SMAD5: variants seen among roughly 807,000 people sequenced by gnomAD.
SMAD5 encodes the protein SMAD family member 5.
A neutral mutation model predicts 43.1 loss-of-function variants in SMAD5; 9 were observed. The observed-to-expected ratio is 0.21, with a 90% confidence interval of 0.13 to 0.36. SMAD5 has a LOEUF of 0.36. SMAD5 is among the 10% of genes least tolerant of loss of function. The pLI, the probability that SMAD5 is intolerant of heterozygous loss-of-function variation, is 1.00. For missense variants in SMAD5, 348 were observed against 574.0 expected (o/e 0.61, Z 4.02); for synonymous variants, 190 against 192.4 (o/e 0.99, Z 0.10).
chr5:136,137,270 A>ACCCCCCCCCCCCCCC (rs61537356), intron 1 of SMAD5, among the ~76,000 whole-genome samples: 1 of 125,212 alleles, frequency 8.0e-6, no homozygotes, highest in African/African-American at 3.1e-5. Context: ...ATTTTTTGGG[A>ACCCCCCCCCCCCCCC]CCCCCCCCCG....
At chr5:136,166,554 T>A (rs1214624738) in intron 5 of SMAD5, among the ~76,000 whole-genome samples, 2 of 152,196 alleles carry the variant, frequency 1.3e-5, no homozygotes, top group Non-Finnish European at 2.9e-5. Context: ...CCTGTTTCTC[T>A]ACTTATTTGC....
rs553396849 is a variant in SMAD5 at position 136,182,083 on chromosome 5, A to C, written c.*4603A>C. 3 of 152,292 alleles carry C rather than the reference A, an allele frequency of 2.0e-5. No individual in the cohort carries two copies. Among genetic ancestry groups the C allele is most frequent in the Admixed American group, 1.3e-4 (2 of 15,292 alleles). 9.4% of individuals were successfully genotyped at this position (152,292 alleles called of 1,614,324 possible). On this transcript the variant is annotated 3_prime_UTR_variant, in exon 8 of 8. Coordinates refer to ENST00000545279, the MANE Select transcript of SMAD5 (RefSeq NM_005903.7). Reference sequence around the variant, plus strand: ...AATGATCGTAAACCATTATCCTTTAAAGGTTTATTTGAAGATGCTGTTAAA... The same window carrying C: ...AATGATCGTAAACCATTATCCTTTACAGGTTTATTTGAAGATGCTGTTAAA...
intron 1 of SMAD5, among the ~76,000 whole-genome samples, chr5:136,139,660 AC>A: frequency 6.6e-6 from 1 of 151,576 alleles, no homozygotes; most frequent in East Asian, 2.0e-4. Context: ...ATTGCTGTCC[AC>A]CCCTCCTCCT....
At chr5:136,170,063 T>C (rs760296609) in intron 5 of SMAD5, among the ~76,000 whole-genome samples, 2 of 152,166 alleles carry the variant, frequency 1.3e-5, no homozygotes, top group Non-Finnish European at 2.9e-5. Context: ...CCTCATTCTC[T>C]AGACAATGTC....
chr5:136,133,309 T>A (rs907318054), intron 1 of SMAD5: 9 of 152,600 alleles, frequency 5.9e-5, no homozygotes, highest in Admixed American at 5.2e-4. Flanking sequence ...GGGAGCGGTT[T>A]GCTTTCCTAA....
At chr5:136,163,790 G>C (rs1271473970) in intron 5 of SMAD5, among the ~76,000 whole-genome samples, 1 of 152,080 alleles carries the variant, frequency 6.6e-6, no homozygotes, top group Admixed American at 6.5e-5. Flanking sequence ...TCAATAGTTT[G>C]TTCCTTTTTA....
chr5:136,136,533 A>G (rs113699003), intron 1 of SMAD5, among the ~76,000 whole-genome samples: 45 of 152,334 alleles, frequency 3.0e-4, no homozygotes, highest in African/African-American at 1.0e-3. Flanking sequence ...TGTTTACTAA[A>G]TGGGAGGTAA....
intron 5 of SMAD5, among the ~76,000 whole-genome samples, chr5:136,164,076 C>T (rs538606320): frequency 6.6e-6 from 1 of 152,170 alleles, no homozygotes; most frequent in African/African-American, 2.4e-5. Flanking sequence ...GCCTGTAATC[C>T]CAGCTACTCT....
At chr5:136,162,325 G>A (rs1158212792) in intron 4 of SMAD5, among the ~76,000 whole-genome samples, 1 of 152,148 alleles carries the variant, frequency 6.6e-6, no homozygotes, top group Admixed American at 6.5e-5. Flanking sequence ...GGCTGGGAAT[G>A]GATTTTTTTT....
At position 136,160,803 on chromosome 5, in the gene SMAD5, G is replaced by A; in HGVS notation, c.404-53G>A. 2.5e-6 allele frequency: 4 copies of A among 1,582,786 alleles called. No individual in the cohort carries two copies. In the South Asian group the frequency reaches 3.4e-5, roughly 13 times the overall value. Reference sequence around the variant, plus strand: ...TTTCTACCAACCCCTTAGTGTGGATGGGGCATTTGTTTAGTCATTCCTGAC... The same window carrying A: ...TTTCTACCAACCCCTTAGTGTGGATAGGGCATTTGTTTAGTCATTCCTGAC... On this transcript the variant is annotated intron_variant, in intron 3 of 7. Transcript: ENST00000545279.
rs142609186 is a variant in SMAD5, at chr5:136,165,503, C to A, written c.775+2112C>A. Among the ~76,000 whole-genome samples the A allele has an allele frequency of 4.1e-4, 63 of 152,046 alleles. 1 individual carries two copies. In the South Asian group the frequency reaches 9.7e-3, roughly 24 times the overall value. On this transcript the variant is annotated intron_variant, in intron 5 of 7. Transcript: ENST00000545279. ...ATGTTGTGTGACCATCACCACCATC[C>A]ATTTCTATAGCTCTTTTCACCTTGT...
intron 2 of SMAD5, among the ~76,000 whole-genome samples, chr5:136,149,995 A>G (rs1018032376): frequency 6.6e-6 from 1 of 151,792 alleles, no homozygotes; most frequent in African/African-American, 2.4e-5. Context: ...CATTCTCTTT[A>G]AACTCTCCCA....
chr5:136,136,807 T>C (rs1752895140), intron 1 of SMAD5, among the ~76,000 whole-genome samples: 1 of 152,118 alleles, frequency 6.6e-6, no homozygotes, highest in Admixed American at 6.5e-5. Context: ...GCGATTCTCC[T>C]GCCTCAGCCT....
At position 136,163,396 on chromosome 5, in the gene SMAD5, G is replaced by A; in HGVS notation, c.775+5G>A. 6.3e-7 allele frequency: 1 copy of A among 1,591,760 alleles called. No homozygotes were observed. Among genetic ancestry groups the A allele is most frequent in the Non-Finnish European group, 8.5e-7 (1 of 1,170,650 alleles). ...TGCCCAGTATATCCAGCAGGGGTAA[G>A]AGAAGTACTCACTTCATTTATTTTA... On this transcript the variant is annotated splice_donor_5th_base_variant and intron_variant, in intron 5 of 7. Transcript: ENST00000545279.
chr5:136,168,799 G>T lies in SMAD5; in HGVS notation c.776-3635G>T, dbSNP rs1443615502. 4.6e-5 allele frequency among the ~76,000 whole-genome samples: 7 copies of T among 152,284 alleles called. No individual in the cohort carries two copies. In the East Asian group the frequency reaches 1.3e-3, roughly 29 times the overall value. On this transcript the variant is annotated intron_variant, in intron 5 of 7. Transcript: ENST00000545279. ...GTTTTGCCTTTTGCAAAATGTCATA[G>T]TTAGAATCATACAGTATGTAGCTTT...
chr5:136,154,953 T>C (rs1296197874), intron 3 of SMAD5, among the ~76,000 whole-genome samples: 1 of 152,104 alleles, frequency 6.6e-6, no homozygotes, highest in East Asian at 1.9e-4. Context: ...TTCTTGCCCC[T>C]CTTTGCTGGC....
chr5:136,176,315 C>T (rs1377079628), intron 7 of SMAD5, among the ~76,000 whole-genome samples: 2 of 151,422 alleles, frequency 1.3e-5, no homozygotes, highest in Non-Finnish European at 2.9e-5. Flanking sequence ...ATTAGCCGGG[C>T]ATGGTGGTGG....
rs749213670 is a variant in SMAD5, at chr5:136,154,078, G to T, written c.318G>T (p.Pro106=). The part of the protein sequence containing the change: ...PDLQSHHELK[P]LDICEFPFGS... The stretch of plus-strand genomic sequence containing the variant: ...TGCAGAGTCATCATGAGCTAAAGCC[G>T]TTGGATATTTGTGAATTTCCTTTTG... Residue 106 remains proline (P), a synonymous_variant, in exon 3 of 8, where the codon CCG becomes CCT. Transcript: ENST00000545279. 6.3e-7 allele frequency: 1 copy of T among 1,599,220 alleles called. No homozygotes were observed. Among genetic ancestry groups the T allele is most frequent in the Admixed American group, 1.7e-5 (1 of 57,238 alleles).
chr5:136,160,384 C>T (rs1219166758), intron 3 of SMAD5, among the ~76,000 whole-genome samples: 1 of 152,044 alleles, frequency 6.6e-6, no homozygotes, highest in African/African-American at 2.4e-5. Context: ...CGTAGGCCAA[C>T]TGATTTTCTC....
Sources: gnomAD v4.1 joint callset for allele counts (sites outside exome capture counted in the v4.1 genomes callset) on GRCh38, gnomAD v4.1.1 for gene constraint, MANE v1.5 for transcripts, NCBI Gene and HGNC (gene_info 2026-07-23, HGNC 2026-07-21) for gene names.